Variants in TTC3 observed in about 807,000 individuals in gnomAD.
TTC3 encodes the protein E3 ubiquitin-protein ligase TTC3.
TTC3 carries 180 observed loss-of-function variants against 249.6 expected under a neutral mutation model. That is an observed-to-expected ratio of 0.72 (90% CI 0.64 to 0.82). The LOEUF (loss-of-function observed/expected upper bound fraction) is 0.82, where lower values mean the gene tolerates loss of function less well. TTC3 is among the 40% of genes least tolerant of loss of function. TTC3 has a pLI of 0.00. For missense variants in TTC3, 2,061 were observed against 2,398.4 expected, an observed-to-expected ratio of 0.86 and a Z score of 2.94; for synonymous variants, 717 against 805.0, an observed-to-expected ratio of 0.89 and a Z score of 1.85.
At chr21:37,087,111 T>C (rs922797652) in intron 1 of TTC3, 136 bp from the exon 2 acceptor site, 1 of 895,366 alleles carries the variant, frequency 1.1e-6, no homozygotes, top group Non-Finnish European at 1.7e-6. Flanking sequence ...CTTTCGGAGC[T>C]CAGTGTTCTG....
At chr21:37,172,637 G>T in exon 35 of TTC3, 1 of 1,613,842 alleles carries the variant, frequency 6.2e-7, no homozygotes, top group South Asian at 1.1e-5. Flanking sequence ...AGTATTACAA[G>T]ACCAACTTCA....
intron 43 of TTC3, 73 bp downstream of exon 43, chr21:37,197,769 G>C: frequency 1.7e-6 from 2 of 1,147,204 alleles, no homozygotes; most frequent in Non-Finnish European, 2.4e-6. Context: ...AAAAAAAAAA[G>C]CTTCAAACCA....
chr21:37,078,707 T>C (rs78209589), intron 1 of TTC3, among the ~76,000 whole-genome samples: 50 of 152,288 alleles, frequency 3.3e-4, no homozygotes, highest in Non-Finnish European at 4.7e-4. Context: ...GAAATTCCTT[T>C]GTGTTTTCTG....
At position 37,123,044 on chromosome 21, in the gene TTC3, G is replaced by A. The variant is rs773174276; in HGVS notation, c.1109+16G>A. 1 of 1,610,270 alleles carries A rather than the reference G, an allele frequency of 6.2e-7. No individual in the cohort carries two copies. Among genetic ancestry groups the A allele is most frequent in the Non-Finnish European group, 8.5e-7 (1 of 1,176,610 alleles). ...ATGAAAACAGGTAAGTTAATAGCAG[G>A]TCAGTAGCTGCTACTACTAGGAATG... On this transcript the variant is annotated intron_variant, in intron 13 of 45. Transcript: ENST00000355666.
exon 29 of TTC3, chr21:37,159,726 A>G: frequency 6.2e-7 from 1 of 1,613,784 alleles, no homozygotes. Context: ...TTAAGGAAAC[A>G]AGATAGTGGT....
At chr21:37,077,710 T>A (rs2071092890) in intron 1 of TTC3, among the ~76,000 whole-genome samples, 1 of 152,264 alleles carries the variant, frequency 6.6e-6, no homozygotes, top group Non-Finnish European at 1.5e-5. Context: ...TTTGTATGTT[T>A]ATGAACTGTC....
chr21:37,115,203 A>AAT (rs1310105901), intron 11 of TTC3, among the ~76,000 whole-genome samples: 12 of 69,790 alleles, frequency 1.7e-4, no homozygotes, highest in African/African-American at 6.3e-4. Flanking sequence ...ATAATAATAA[A>AAT]GAAACTATTT....
intron 8 of TTC3, 26 bp from the exon 9 acceptor site, chr21:37,095,324 G>C: frequency 6.6e-7 from 1 of 1,519,724 alleles, no homozygotes; most frequent in African/African-American, 1.4e-5. Flanking sequence ...GTCATTGATG[G>C]GTCTTCTTTC....
At position 37,153,278 on chromosome 21, in the gene TTC3, G is replaced by T. The variant is rs761093910; in HGVS notation, c.2740+1G>T. ...TGGATCCAAAAACTTAATAGCTTTGGTATGTCCCTTTATATTCCAGAGCAA... is the reference window on the plus strand; with the variant it reads ...TGGATCCAAAAACTTAATAGCTTTGTTATGTCCCTTTATATTCCAGAGCAA... On this transcript the variant is annotated splice_donor_variant, in intron 27 of 45. Transcript: ENST00000355666. LOFTEE classifies it high-confidence loss of function. The T allele has an allele frequency of 6.2e-7, 1 of 1,608,320 alleles. No homozygotes were observed. Among genetic ancestry groups the T allele is most frequent in the Non-Finnish European group, 8.5e-7 (1 of 1,178,018 alleles).
At chr21:37,091,858 G>T (rs2073714844) in intron 7 of TTC3, among the ~76,000 whole-genome samples, 1 of 152,190 alleles carries the variant, frequency 6.6e-6, no homozygotes, top group South Asian at 2.1e-4. Flanking sequence ...TGGGATTACA[G>T]GCGTGGGCCA....
At chr21:37,101,918 T>TTA (rs61552508) in intron 10 of TTC3, among the ~76,000 whole-genome samples, 17,180 of 147,322 alleles carry the variant, frequency 0.12, 1,455 homozygotes, top group East Asian at 0.27. Flanking sequence ...AGTATATAGT[T>TTA]TATATATATA....
chr21:37,166,593 A>G (rs1266311005), exon 33 of TTC3: 14 of 1,612,716 alleles, frequency 8.7e-6, no homozygotes, highest in Non-Finnish European at 1.2e-5. Context: ...AACATTCCAC[A>G]CGTGCAGATG....
intron 10 of TTC3, chr21:37,097,774 C>G (rs2074085652): frequency 7.7e-6 from 4 of 520,234 alleles, no homozygotes; most frequent in Non-Finnish European, 1.4e-5. Context: ...GTGAAGTTTT[C>G]TCATGAAAGC....
At chr21:37,124,891 A>C in intron 14 of TTC3, 149 bp downstream of exon 14, 1 of 677,096 alleles carries the variant, frequency 1.5e-6, no homozygotes, top group South Asian at 2.2e-5. Context: ...CTTTTAAATA[A>C]ATAATCTGAG....
intron 16 of TTC3, among the ~76,000 whole-genome samples, chr21:37,129,369 A>C (rs1249049474): frequency 6.6e-6 from 1 of 152,180 alleles, no homozygotes; most frequent in South Asian, 2.1e-4. Context: ...TATAAGGTGC[A>C]CATGAAGCCT....
At chr21:37,124,296 A>G (rs1263095947) in intron 13 of TTC3, among the ~76,000 whole-genome samples, 1 of 150,818 alleles carries the variant, frequency 6.6e-6, no homozygotes, top group African/African-American at 2.4e-5. Flanking sequence ...TTGTATTTTT[A>G]GTAGAGACGG....
chr21:37,195,969 C>T lies in TTC3; in HGVS notation c.5512C>T (p.Gln1838Ter), dbSNP rs768271073. The change falls in exon 42 of 46, where the codon CAG (glutamine) becomes TAG (stop). Residue 1838 changes from glutamine (Q) to a stop codon, truncating the protein, a stop_gained. Transcript: ENST00000355666. LOFTEE classifies it high-confidence loss of function. ...TCCAGGACGTGCTGCGCGTTCAAGC[C>T]AGTCTCCAAAAAAGCCGTTCAATAG... 2.5e-6 allele frequency: 4 copies of T among 1,614,100 alleles called. No individual in the cohort carries two copies. The highest frequency in any genetic ancestry group is 1.3e-5 in the African/African-American group (1 of 74,938).
rs1211971882 is a variant in TTC3 at position 37,197,584 on chromosome 21, GT to G, written c.5598del (p.Phe1866LeufsTer16). 1 of 1,611,806 alleles carries G rather than the reference GT, an allele frequency of 6.2e-7. No homozygotes were observed. On this transcript the variant is annotated frameshift_variant, in exon 43 of 46. Transcript: ENST00000355666. LOFTEE classifies it high-confidence loss of function. The stretch of plus-strand genomic sequence containing the variant: ...CTCCCTTTCAGCACTGAGCTTGCTG[GT>G]TTTATTAAAAAAGTGCGAAGCAAAA...
At chr21:37,182,866 A>G in exon 36 of TTC3, 4 of 1,591,966 alleles carry the variant, frequency 2.5e-6, no homozygotes, top group Non-Finnish European at 3.4e-6. Context: ...AAGAAAGACT[A>G]AAATCACTGA....
Sources: allele counts gnomAD v4.1 joint callset (sites outside exome capture counted in the v4.1 genomes callset), GRCh38; gene constraint gnomAD v4.1.1; transcripts MANE v1.5; gene names NCBI Gene and HGNC (gene_info 2026-07-23, HGNC 2026-07-21).